Variants in TOP3A observed in about 807,000 individuals in gnomAD.
The protein encoded by TOP3A is DNA topoisomerase III alpha.
Under a neutral mutation model 111.3 loss-of-function variants are expected in TOP3A, and 64 were observed. The ratio of observed to expected loss-of-function variants is 0.57; its 90% CI spans 0.47 to 0.71. The LOEUF (loss-of-function observed/expected upper bound fraction) is 0.71, where lower values mean the gene tolerates loss of function less well. Ranked by LOEUF, TOP3A falls within the 30% of genes least tolerant of loss-of-function variation. The probability of loss-of-function intolerance (pLI) is 0.00; values close to 1 mark genes in which losing one functional copy is unlikely to be tolerated. For synonymous variants in TOP3A, 484 were observed against 485.1 expected (o/e 1.00, Z 0.03); for missense variants, 1,104 against 1,285.0 (o/e 0.86, Z 2.15).
intron 1 of TOP3A, 38 bp downstream of exon 1, chr17:18,314,561 C>T: frequency 6.3e-7 from 1 of 1,581,306 alleles, no homozygotes; most frequent in East Asian, 2.3e-5. Context: ...GGTGGGCCTC[C>T]CTTAAGGCAC....
At position 18,278,010 on chromosome 17, in the gene TOP3A, C is replaced by T. The variant is rs762571378; in HGVS notation, c.2492G>A (p.Arg831Gln). 7.6e-5 allele frequency: 122 copies of T among 1,614,020 alleles called. No individual in the cohort carries two copies. The highest frequency in any genetic ancestry group is 1.8e-4 in the Admixed American group (11 of 60,016). ...GTTGCACTTAAAGAACTGCCGGCCCCGGTTGGGGCCCTCCTTACGGACAGT... is the reference window on the plus strand; with the variant it reads ...GTTGCACTTAAAGAACTGCCGGCCCTGGTTGGGGCCCTCCTTACGGACAGT... ...LLTVRKEGPN[R>Q]GRQFFKCNGG... Residue 831 changes from arginine to glutamine, a missense_variant, in exon 18 of 19, where the codon CGG becomes CAG. Physicochemically the swap from Arg to Gln is conservative, Grantham distance 43. Coordinates refer to ENST00000321105, the MANE Select transcript of TOP3A (RefSeq NM_004618.5).
intron 13 of TOP3A, among the ~76,000 whole-genome samples, chr17:18,289,772 C>T (rs1418596730): frequency 2.6e-5 from 4 of 152,170 alleles, no homozygotes; most frequent in African/African-American, 7.2e-5. Context: ...TCTGGATGTC[C>T]TAGTGATGGT....
chr17:18,301,416 C>T (rs552220040), intron 8 of TOP3A, among the ~76,000 whole-genome samples: 33 of 152,198 alleles, frequency 2.2e-4, no homozygotes, highest in Non-Finnish European at 3.8e-4. Flanking sequence ...ACTGTCCCTC[C>T]GGCCTTTCTC....
chr17:18,271,821 G>C lies in TOP3A; in HGVS notation c.*2981C>G, dbSNP rs1408295480. On this transcript the variant is annotated 3_prime_UTR_variant, in exon 19 of 19. Transcript: ENST00000321105. ...TCCTGCCTGTTAATCCTAGCACTTT[G>C]GGAGGCCGAGGCTGGTAGATCACCT... 4.6e-6 allele frequency: 2 copies of C among 436,268 alleles called. No homozygotes were observed. The highest frequency in any genetic ancestry group is 1.8e-4 in the East Asian group (2 of 11,116). 27.0% of individuals were successfully genotyped at this position (436,268 alleles called of 1,614,324 possible).
intron 11 of TOP3A, among the ~76,000 whole-genome samples, chr17:18,291,318 C>T (rs1193760829): frequency 2.0e-5 from 3 of 152,198 alleles, no homozygotes; most frequent in Admixed American, 6.5e-5. Context: ...AAGATGAAAG[C>T]GTAAGAAGTT....
At chr17:18,296,303 T>C (rs1228278155) in intron 9 of TOP3A, among the ~76,000 whole-genome samples, 1 of 152,008 alleles carries the variant, frequency 6.6e-6, no homozygotes, top group East Asian at 1.9e-4. Flanking sequence ...TCAATGCAGC[T>C]GGGCACGGTG....
At chr17:18,301,303 C>T (rs773729399) in intron 8 of TOP3A, among the ~76,000 whole-genome samples, 8 of 152,304 alleles carry the variant, frequency 5.3e-5, no homozygotes, top group Admixed American at 3.9e-4. Flanking sequence ...GCCTATGACC[C>T]GGGCCAGTCT....
In TOP3A at chr17:18,292,654, G is replaced by A. The variant is rs1980551732; in HGVS notation, c.1272C>T (p.Asn424=). The A allele has an allele frequency of 1.3e-6, 2 of 1,567,800 alleles. No homozygotes were observed. Among genetic ancestry groups the A allele is most frequent in the East Asian group, 4.6e-5 (2 of 43,556 alleles). ...HPPIHPTKYT[N]NLQGDEQRLY... is the part of the protein sequence containing the mutation. ...ATTCAGGGAAACCAACCTGTAAGTT[G>A]TTGGTGTATTTGGTGGGGTGAATGG... The change falls in exon 11 of 19, where the codon AAC becomes AAT. Residue 424 remains asparagine (N), a synonymous_variant. Transcript: ENST00000321105.
In TOP3A at chr17:18,274,721, G is replaced by T; in HGVS notation, c.*81C>A. On this transcript the variant is annotated 3_prime_UTR_variant, in exon 19 of 19. Transcript: ENST00000321105. ...CTCTAAGTTTCCAGGACACTAAATG[G>T]CCACTTGGTCCTGGTTAACTCATTT... is the stretch of plus-strand genomic sequence containing the variant. 1.3e-6 allele frequency: 2 copies of T among 1,533,274 alleles called. No individual in the cohort carries two copies. Among genetic ancestry groups the T allele is most frequent in the Middle Eastern group, 1.8e-4 (1 of 5,598 alleles). The allele number at this position is 1,533,274 out of a possible 1,614,324, so 95.0% of individuals were successfully genotyped here. A position where few individuals can be genotyped will look rare whatever the true frequency, so the allele number is the denominator to read the frequency against.
At chr17:18,297,839 C>T (rs900271314) in intron 9 of TOP3A, among the ~76,000 whole-genome samples, 4 of 152,092 alleles carry the variant, frequency 2.6e-5, no homozygotes, top group African/African-American at 9.7e-5. Flanking sequence ...TCTGCCCGGC[C>T]GCCACCCCAT....
intron 3 of TOP3A, 35 bp downstream of exon 3, chr17:18,308,316 A>G: frequency 7.3e-6 from 10 of 1,366,808 alleles, no homozygotes; most frequent in Non-Finnish European, 1.0e-5. Context: ...AACTTACTAT[A>G]ATCTGAAAGT....
intron 5 of TOP3A, among the ~76,000 whole-genome samples, chr17:18,303,758 T>C (rs928566793): frequency 1.3e-5 from 2 of 152,166 alleles, no homozygotes; most frequent in African/African-American, 4.8e-5. Context: ...ATAGTAAAGA[T>C]AGTGATTGAT....
chr17:18,307,774 G>A (rs1312575331), intron 3 of TOP3A, among the ~76,000 whole-genome samples: 1 of 151,816 alleles, frequency 6.6e-6, no homozygotes, highest in Non-Finnish European at 1.5e-5. Flanking sequence ...GCTGGGTGTA[G>A]TGGCACATGG....
chr17:18,309,691 T>C (rs1597989524), intron 1 of TOP3A, among the ~76,000 whole-genome samples: 1 of 149,484 alleles, frequency 6.7e-6, no homozygotes, highest in East Asian at 2.0e-4. Flanking sequence ...AACTTGTACA[T>C]GAAAGTCTAT....
At chr17:18,308,160 C>G (rs1305568876) in intron 3 of TOP3A, among the ~76,000 whole-genome samples, 191 bp downstream of exon 3, 1 of 141,776 alleles carries the variant, frequency 7.1e-6, no homozygotes. Context: ...TGCTGTGAGC[C>G]GAGATCACAC....
At chr17:18,304,458 G>A (rs904895255) in intron 5 of TOP3A, among the ~76,000 whole-genome samples, 9 of 152,106 alleles carry the variant, frequency 5.9e-5, no homozygotes, top group Non-Finnish European at 1.2e-4. Context: ...AACCACTAAA[G>A]GAAAGTAGCA....
At chr17:18,311,491 G>C (rs1410634673) in intron 1 of TOP3A, among the ~76,000 whole-genome samples, 1 of 152,030 alleles carries the variant, frequency 6.6e-6, no homozygotes, top group Non-Finnish European at 1.5e-5. Context: ...ATGGGGTTTT[G>C]CCATGTTGGC....
At chr17:18,306,204 AAAAT>A (rs936362344) in intron 4 of TOP3A, among the ~76,000 whole-genome samples, 7 of 152,344 alleles carry the variant, frequency 4.6e-5, no homozygotes, top group African/African-American at 7.2e-5. Context: ...TTCGTCTCAA[AAAAT>A]AAATAAATAA....
At position 18,308,065 on chromosome 17, in the gene TOP3A, A is replaced by C. The variant is rs183546629; in HGVS notation, c.314+286T>G. Among the ~76,000 whole-genome samples, 13 of 151,184 alleles carry C rather than the reference A, an allele frequency of 8.6e-5. 1 individual carries two copies. The highest frequency in any genetic ancestry group is 2.0e-4 in the Admixed American group (3 of 15,128). On this transcript the variant is annotated intron_variant, in intron 3 of 18. Transcript: ENST00000321105. Reference sequence around the variant, plus strand: ...TGTCTCTACTAAAAATACAAAAACTAGCCAGGTGTGGTGGCACGTGCCTAT... The same window carrying C: ...TGTCTCTACTAAAAATACAAAAACTCGCCAGGTGTGGTGGCACGTGCCTAT...
Sources: allele counts gnomAD v4.1 joint callset (sites outside exome capture counted in the v4.1 genomes callset), GRCh38; gene constraint gnomAD v4.1.1; transcripts MANE v1.5; gene names NCBI Gene and HGNC (gene_info 2026-07-23, HGNC 2026-07-21).